Variants in RIC1 observed in about 807,000 individuals in gnomAD.
RIC1 encodes the protein RIC1 partner of RAB6A GEF complex.
RIC1 carries 88 observed loss-of-function variants against 169.0 expected under a neutral mutation model. The observed-to-expected ratio is 0.52, with a 90% CI of 0.44 to 0.62. RIC1 has a LOEUF of 0.62. RIC1 is among the 20% of genes least tolerant of loss of function. The pLI, the probability that RIC1 is intolerant of heterozygous loss-of-function variation, is 0.00. For synonymous variants in RIC1, 790 were observed against 601.5 expected, an observed-to-expected ratio of 1.31 and a Z score of -4.59; for missense variants, 1,877 against 1,725.5, an observed-to-expected ratio of 1.09 and a Z score of -1.56.
At chr9:5,727,858 C>T (rs978325096) in intron 6 of RIC1, among the ~76,000 whole-genome samples, 5 of 152,182 alleles carry the variant, frequency 3.3e-5, no homozygotes, top group South Asian at 2.1e-4. Context: ...CAGAACAGCA[C>T]ATATTGCAGA....
intron 6 of RIC1, among the ~76,000 whole-genome samples, chr9:5,732,112 A>T (rs2130924420): frequency 6.6e-6 from 1 of 152,318 alleles, no homozygotes; most frequent in Admixed American, 6.5e-5. Flanking sequence ...TTGGAGATGA[A>T]TTTCCATATT....
intron 1 of RIC1, among the ~76,000 whole-genome samples, chr9:5,636,373 G>A (rs1817971893): frequency 6.6e-6 from 1 of 152,084 alleles, no homozygotes; most frequent in African/African-American, 2.4e-5. Flanking sequence ...AGGCTGGAGT[G>A]CAATGGAGCG....
intron 1 of RIC1, among the ~76,000 whole-genome samples, chr9:5,653,340 G>A (rs148124496): frequency 2.8e-4 from 43 of 152,058 alleles, no homozygotes; most frequent in African/African-American, 8.2e-4. Context: ...TAGCTTTATA[G>A]TAAGTCTTGA....
intron 2 of RIC1, among the ~76,000 whole-genome samples, chr9:5,665,553 A>T (rs1819703101): frequency 6.6e-6 from 1 of 152,068 alleles, no homozygotes; most frequent in South Asian, 2.1e-4. Flanking sequence ...TTTTGCATTG[A>T]TTAATTTCTT....
At position 5,774,173 on chromosome 9, in the gene RIC1, AAGAGGAGGACACAGCCCAAGC is replaced by A; in HGVS notation, c.4209_4229del (p.Asp1403_Glu1409del). On this transcript the variant is annotated inframe_deletion, in exon 26 of 26. Transcript: ENST00000414202. ...GGAAGCAGCAATATGGTCAGCCGGA[AAGAGGAGGACACAGCCCAAGC>A]AGAGGAGGAAGAACCTTTTCAGGAT... 2.5e-6 allele frequency: 4 copies of A among 1,614,092 alleles called. No individual in the cohort carries two copies. The highest frequency in any genetic ancestry group is 3.4e-6 in the Non-Finnish European group (4 of 1,179,976).
At chr9:5,777,229 A>G (rs1230024643), downstream of RIC1, among the ~76,000 whole-genome samples, 1 of 150,300 alleles carries the variant, frequency 6.7e-6, no homozygotes, top group African/African-American at 2.4e-5. Context: ...TCTGGATACT[A>G]CTCTTTTATG....
intron 2 of RIC1, among the ~76,000 whole-genome samples, chr9:5,688,252 C>G (rs1184308949): frequency 6.6e-6 from 1 of 152,190 alleles, no homozygotes; most frequent in Non-Finnish European, 1.5e-5. Context: ...AGCTTCTTCT[C>G]AACTCTGGAA....
At chr9:5,670,848 A>C (rs566618825) in intron 2 of RIC1, among the ~76,000 whole-genome samples, 29 of 152,236 alleles carry the variant, frequency 1.9e-4, no homozygotes, top group African/African-American at 6.0e-4. Context: ...TTTCAAGGAT[A>C]GTTTGGTGGG....
intron 1 of RIC1, among the ~76,000 whole-genome samples, chr9:5,630,337 T>TC (rs35323830): frequency 0.016 from 2,380 of 152,356 alleles, 34 homozygotes; most frequent in Non-Finnish European, 0.025. Context: ...ATGCTTTTTT[T>TC]CCTCCCCAAA....
chr9:5,644,994 A>C (rs1357486922), intron 1 of RIC1, among the ~76,000 whole-genome samples: 1 of 152,056 alleles, frequency 6.6e-6, no homozygotes, highest in Non-Finnish European at 1.5e-5. Flanking sequence ...GCATGATTTC[A>C]TTTGCTTATT....
intron 8 of RIC1, among the ~76,000 whole-genome samples, chr9:5,741,342 G>C (rs1825072611): frequency 6.6e-6 from 1 of 152,106 alleles, no homozygotes; most frequent in Admixed American, 6.6e-5. Flanking sequence ...TTGAGACTTA[G>C]GCTTGCTGGA....
At chr9:5,694,068 G>C (rs1428979156) in intron 3 of RIC1, among the ~76,000 whole-genome samples, 1 of 152,016 alleles carries the variant, frequency 6.6e-6, no homozygotes, top group African/African-American at 2.4e-5. Context: ...TTCATCAGAT[G>C]GCAATACTTC....
At chr9:5,737,668 C>A (rs1001614253) in intron 7 of RIC1, among the ~76,000 whole-genome samples, 1 of 151,668 alleles carries the variant, frequency 6.6e-6, no homozygotes, top group Admixed American at 6.6e-5. Context: ...TACCAACCCC[C>A]CAACACAGTT....
rs1826671165 is a variant in RIC1, at chr9:5,765,550, C to T, written c.2978C>T (p.Pro993Leu). Residue 993 changes from proline to leucine, a missense_variant, in exon 20 of 26, where the codon CCT becomes CTT. By Grantham distance (98) the Pro-to-Leu change is moderately conservative (BLOSUM62 -3). Around this residue, in one of 3 missense-constraint regions of RIC1, gnomAD observed 681 missense variants for 582.0 expected, o/e 1.17. Coordinates refer to ENST00000414202, the MANE Select transcript of RIC1 (RefSeq NM_020829.4). ...ATTGGCTCTGGAGAATCTGAGACAC[C>T]TCCATCCACACCCACAGCTCAGGTT... ...KAIGSGESET[P>L]PSTPTAQEPS... 26 of 1,613,958 alleles carry T rather than the reference C, an allele frequency of 1.6e-5. No individual in the cohort carries two copies. Among genetic ancestry groups the T allele is most frequent in the Non-Finnish European group, 2.2e-5 (26 of 1,179,982 alleles).
At chr9:5,657,950 T>C (rs1292847298) in intron 2 of RIC1, among the ~76,000 whole-genome samples, 2 of 152,176 alleles carry the variant, frequency 1.3e-5, no homozygotes, top group African/African-American at 4.8e-5. Context: ...GATTTATGTA[T>C]TGTCTGTAAC....
intron 7 of RIC1, among the ~76,000 whole-genome samples, chr9:5,737,408 G>A (rs1225500362): frequency 6.6e-6 from 1 of 152,130 alleles, no homozygotes; most frequent in Non-Finnish European, 1.5e-5. Flanking sequence ...CATCACCAGT[G>A]CTGATGAAGC....
chr9:5,718,705 A>G lies in RIC1; in HGVS notation c.441-1477A>G, dbSNP rs528210966. Among the ~76,000 whole-genome samples, 14 of 152,348 alleles carry G rather than the reference A, an allele frequency of 9.2e-5. No individual in the cohort carries two copies. In the East Asian group the frequency reaches 2.5e-3, roughly 27 times the overall value. On this transcript the variant is annotated intron_variant, in intron 4 of 25. Transcript: ENST00000414202. ...CCACCAAATGATACACATAGATTTT[A>G]TCACTGAAATATAAATTTGAAATTA...
At chr9:5,635,472 T>C (rs932021607) in intron 1 of RIC1, among the ~76,000 whole-genome samples, 1 of 152,224 alleles carries the variant, frequency 6.6e-6, no homozygotes, top group Non-Finnish European at 1.5e-5. Context: ...CTTAGCACTT[T>C]GTGAAAGATT....
At chr9:5,674,502 C>G (rs1052243042) in intron 2 of RIC1, among the ~76,000 whole-genome samples, 4 of 152,070 alleles carry the variant, frequency 2.6e-5, no homozygotes, top group African/African-American at 9.7e-5. Flanking sequence ...AATAAAAACT[C>G]AGGACCCCAA....
Sources: allele counts gnomAD v4.1 joint callset (sites outside exome capture counted in the v4.1 genomes callset), GRCh38; gene constraint gnomAD v4.1.1; regional missense constraint gnomAD v4.1.1; transcripts MANE v1.5; gene names NCBI Gene and HGNC (gene_info 2026-07-23, HGNC 2026-07-21).